The following LGR5 variants were observed in gnomAD, a reference collection of about 807,000 sequenced individuals.
LGR5 encodes the protein leucine rich repeat containing G protein-coupled receptor 5, also known as leucine-rich repeat-containing G protein-coupled receptor 5.
Under a neutral mutation model 76.7 loss-of-function variants are expected in LGR5, and 54 were observed. The observed-to-expected ratio is 0.70, with a 90% CI of 0.57 to 0.88. The LOEUF (loss-of-function observed/expected upper bound fraction) is 0.88, where lower values mean the gene tolerates loss of function less well. Among genes scored for constraint, LGR5 ranks in the 40% least tolerant of loss-of-function variants. The probability of loss-of-function intolerance (pLI) is 0.00; values close to 1 mark genes in which losing one functional copy is unlikely to be tolerated. For synonymous variants in LGR5, 406 were observed against 421.9 expected (o/e 0.96, Z 0.46); for missense variants, 1,078 against 1,073.3 (o/e 1.00, Z -0.06).
intron 11 of LGR5, chr12:71,567,244 A>G: frequency 3.5e-6 from 1 of 282,332 alleles, no homozygotes; most frequent in Non-Finnish European, 6.9e-6. Flanking sequence ...AAATAACATA[A>G]TGGATCAACC....
chr12:71,467,036 C>T (rs1872895662), intron 1 of LGR5, among the ~76,000 whole-genome samples: 1 of 151,672 alleles, frequency 6.6e-6, no homozygotes, highest in Admixed American at 6.6e-5. Flanking sequence ...AAATAGTCAT[C>T]ATTTATAATC....
At chr12:71,495,183 G>C (rs1874259390) in intron 1 of LGR5, among the ~76,000 whole-genome samples, 1 of 151,224 alleles carries the variant, frequency 6.6e-6, no homozygotes, top group African/African-American at 2.5e-5. Flanking sequence ...TTCATGAGTT[G>C]GGGAACACCA....
At chr12:71,516,686 A>C (rs565415434) in intron 2 of LGR5, among the ~76,000 whole-genome samples, 1 of 152,338 alleles carries the variant, frequency 6.6e-6, no homozygotes, top group African/African-American at 2.4e-5. Flanking sequence ...ATTCAAAGAA[A>C]ATTGTACATT....
At chr12:71,556,163 C>A (rs777670205) in intron 5 of LGR5, among the ~76,000 whole-genome samples, 5 of 151,956 alleles carry the variant, frequency 3.3e-5, no homozygotes, top group Non-Finnish European at 7.4e-5. Flanking sequence ...CACGCTGGGG[C>A]CTCTCAGAGG....
rs1875609634 is a variant in LGR5, at chr12:71,519,333, C to T, written c.285-5073C>T. Among the ~76,000 whole-genome samples, 3 of 152,196 alleles carry T rather than the reference C, an allele frequency of 2.0e-5. No homozygotes were observed. In the South Asian group the frequency reaches 6.2e-4, roughly 32 times the overall value. On this transcript the variant is annotated intron_variant, in intron 2 of 17. Coordinates refer to ENST00000266674, the MANE Select transcript of LGR5 (RefSeq NM_003667.4). ...TAGCACGTCACCGCCACAACCACCA[C>T]CCATTGCTCTCTATCCCTTTGCCTT...
In LGR5 at chr12:71,476,521, G is replaced by A. The variant is rs571292360; in HGVS notation, c.213-28093G>A. 2.6e-5 allele frequency among the ~76,000 whole-genome samples: 4 copies of A among 152,284 alleles called. No homozygotes were observed. In the East Asian group the frequency reaches 7.7e-4, roughly 29 times the overall value. On this transcript the variant is annotated intron_variant, in intron 1 of 17. Coordinates refer to ENST00000266674, the MANE Select transcript of LGR5 (RefSeq NM_003667.4). The stretch of plus-strand genomic sequence containing the variant: ...CCATGGTGGTAGCATGGGTGACAGT[G>A]GTACCAGTGGAGCCCTGAATACTTT...
chr12:71,567,679 A>G (rs983723746), intron 11 of LGR5, among the ~76,000 whole-genome samples: 1 of 152,172 alleles, frequency 6.6e-6, no homozygotes, highest in African/African-American at 2.4e-5. Flanking sequence ...TGTTAAGTAG[A>G]TAAACGGGAA....
chr12:71,529,627 G>A (rs576661147), intron 3 of LGR5, among the ~76,000 whole-genome samples: 79 of 152,098 alleles, frequency 5.2e-4, no homozygotes, highest in African/African-American at 1.8e-3. Flanking sequence ...TTTTGATCAC[G>A]TTATTTTTCT....
intron 6 of LGR5, among the ~76,000 whole-genome samples, chr12:71,558,808 G>A (rs1877909011): frequency 6.6e-6 from 1 of 152,172 alleles, no homozygotes; most frequent in Non-Finnish European, 1.5e-5. Context: ...CGAAGATCTA[G>A]ATATAAGGTA....
chr12:71,503,801 C>T (rs1874718686), intron 1 of LGR5, among the ~76,000 whole-genome samples: 1 of 152,064 alleles, frequency 6.6e-6, no homozygotes, highest in South Asian at 2.1e-4. Context: ...AGAATCTGTC[C>T]AGCTGTCAGT....
In LGR5 at chr12:71,492,125, G is replaced by A. The variant is rs117537657; in HGVS notation, c.213-12489G>A. 8.7e-3 allele frequency among the ~76,000 whole-genome samples: 1,320 copies of A among 152,172 alleles called. 6 individuals are homozygous for A. The highest frequency in any genetic ancestry group is 0.014 in the Non-Finnish European group (964 of 67,984). On this transcript the variant is annotated intron_variant, in intron 1 of 17. Transcript: ENST00000266674. ...ACTTATCATTTTTTCTGTCAGTTGAGGAGGAAGCCCACAGATATTGGGGTA... is the reference window on the plus strand; with the variant it reads ...ACTTATCATTTTTTCTGTCAGTTGAAGAGGAAGCCCACAGATATTGGGGTA...
intron 3 of LGR5, among the ~76,000 whole-genome samples, chr12:71,533,804 T>G (rs1161193414): frequency 1.3e-5 from 2 of 152,186 alleles, no homozygotes; most frequent in East Asian, 1.9e-4. Flanking sequence ...ATAGAGAGAT[T>G]TGGTGATTTT....
intron 2 of LGR5, among the ~76,000 whole-genome samples, chr12:71,512,255 G>A (rs993455846): frequency 3.9e-5 from 6 of 152,248 alleles, no homozygotes; most frequent in East Asian, 3.9e-4. Flanking sequence ...CTCCCAAACC[G>A]CTGGGATTAC....
chr12:71,441,963 C>G (rs528924772), intron 1 of LGR5: 1 of 152,358 alleles, frequency 6.6e-6, no homozygotes, highest in Admixed American at 6.5e-5. Context: ...ATCCCGCGCT[C>G]TCCAATGCAG....
At chr12:71,447,735 C>A in intron 1 of LGR5, among the ~76,000 whole-genome samples, 1 of 152,160 alleles carries the variant, frequency 6.6e-6, no homozygotes, top group East Asian at 1.9e-4. Context: ...AGAAATGATA[C>A]AAACATTGGC....
At chr12:71,578,045 C>T (rs1245262896) in intron 14 of LGR5, 49 bp downstream of exon 14, 1 of 1,368,946 alleles carries the variant, frequency 7.3e-7, no homozygotes, top group South Asian at 1.2e-5. Flanking sequence ...TAATTGAGGA[C>T]CATCTAGTTA....
chr12:71,445,791 A>G (rs1232385685), intron 1 of LGR5, among the ~76,000 whole-genome samples: 1 of 152,236 alleles, frequency 6.6e-6, no homozygotes, highest in Non-Finnish European at 1.5e-5. Flanking sequence ...GGATGTTAGC[A>G]TTAGTGGAAA....
In LGR5 at chr12:71,566,443, T is replaced by C. The variant is rs550134014; in HGVS notation, c.897T>C (p.Ser299=). 2 of 1,605,142 alleles carry C rather than the reference T, an allele frequency of 1.2e-6. No individual in the cohort carries two copies. Among genetic ancestry groups the C allele is most frequent in the African/African-American group, 1.3e-5 (1 of 74,918 alleles). ...YDNPIQFVGR[S]AFQHLPELRT... ...ATCCCATCCAGTTTGTTGGGAGATC[T>C]GCTTTTCAACATTTACCTGAACTAA... is the stretch of plus-strand genomic sequence containing the variant. Residue 299 remains serine, a synonymous_variant, in exon 9 of 18, where the codon TCT becomes TCC. Transcript: ENST00000266674.
chr12:71,547,259 G>C (rs543738541), intron 4 of LGR5, among the ~76,000 whole-genome samples: 1 of 152,284 alleles, frequency 6.6e-6, no homozygotes, highest in South Asian at 2.1e-4. Context: ...CAGAAGATGT[G>C]CATCCTCTTT....
Sources: gnomAD v4.1 joint callset for allele counts (sites outside exome capture counted in the v4.1 genomes callset) on GRCh38, gnomAD v4.1.1 for gene constraint, MANE v1.5 for transcripts, NCBI Gene and HGNC (gene_info 2026-07-23, HGNC 2026-07-21) for gene names.